The following AMN1 variants were observed in gnomAD, a reference collection of about 807,000 sequenced individuals.
The protein encoded by AMN1 is antagonist of mitotic exit network 1 homolog.
AMN1 carries 20 observed loss-of-function variants against 33.0 expected under a neutral mutation model. The ratio of observed to expected loss-of-function variants is 0.61; its 90% CI spans 0.43 to 0.88. AMN1 has a LOEUF of 0.88. AMN1 is among the 40% of genes least tolerant of loss of function. The pLI, the probability that AMN1 is intolerant of heterozygous loss-of-function variation, is 0.00. For synonymous variants in AMN1, 114 were observed against 111.9 expected, an observed-to-expected ratio of 1.02 and a Z score of -0.12; for missense variants, 246 against 307.4, an observed-to-expected ratio of 0.80 and a Z score of 1.49.
chr12:31,678,694 G>A (rs1368964523), intron 6 of AMN1, among the ~76,000 whole-genome samples: 7 of 152,048 alleles, frequency 4.6e-5, no homozygotes, highest in Admixed American at 2.0e-4. Flanking sequence ...CACCGTGCCC[G>A]GCCAAAGAAT....
intron 5 of AMN1, among the ~76,000 whole-genome samples, chr12:31,693,361 G>C (rs1938585479): frequency 6.6e-6 from 1 of 151,936 alleles, no homozygotes; most frequent in African/African-American, 2.4e-5. Context: ...TGAGTAGCTG[G>C]GATTACAGGC....
At chr12:31,694,858 C>T (rs1052001191) in intron 5 of AMN1, among the ~76,000 whole-genome samples, 22 of 151,986 alleles carry the variant, frequency 1.4e-4, no homozygotes, top group Non-Finnish European at 1.3e-4. Flanking sequence ...AGTTCTAGCA[C>T]TTTAGGAAGT....
intron 2 of AMN1, among the ~76,000 whole-genome samples, chr12:31,702,422 G>A (rs1370339420): frequency 6.6e-6 from 1 of 152,176 alleles, no homozygotes; most frequent in Non-Finnish European, 1.5e-5. Context: ...CACTAGTACT[G>A]CTTATCTAGA....
At chr12:31,701,777 CTT>C (rs1253083415) in intron 3 of AMN1, 84 bp downstream of exon 3, 1 of 1,151,224 alleles carries the variant, frequency 8.7e-7, no homozygotes, top group African/African-American at 1.6e-5. Flanking sequence ...TTCATACTCT[CTT>C]TTGACGTATT....
At position 31,675,797 on chromosome 12, in the gene AMN1, G is replaced by A. The variant is rs541657388; in HGVS notation, c.704-3420C>T. ...GCTGGGGTTACAGGCGTGAGCCACC[G>A]TTACCCGCCAGGATGTCCACTCTTG... On this transcript the variant is annotated intron_variant, in intron 6 of 6. Coordinates refer to ENST00000281471, the MANE Select transcript of AMN1 (RefSeq NM_001113402.2). Among the ~76,000 whole-genome samples the A allele has an allele frequency of 9.2e-5, 14 of 151,740 alleles. No individual in the cohort carries two copies. The South Asian group carries it at 1.7e-3, about 18-fold the overall frequency.
intron 2 of AMN1, among the ~76,000 whole-genome samples, chr12:31,704,403 T>C (rs1337209281): frequency 1.3e-5 from 2 of 152,142 alleles, no homozygotes; most frequent in Admixed American, 6.6e-5. Flanking sequence ...TTTTTCTTAT[T>C]GGCTTGGAGG....
At chr12:31,712,620 C>T (rs1665917623) in intron 1 of AMN1, among the ~76,000 whole-genome samples, 1 of 152,042 alleles carries the variant, frequency 6.6e-6, no homozygotes, top group Non-Finnish European at 1.5e-5. Flanking sequence ...TTTATTCATT[C>T]ATCCATTGAT....
At chr12:31,698,196 G>T (rs1938822243) in intron 3 of AMN1, among the ~76,000 whole-genome samples, 1 of 152,122 alleles carries the variant, frequency 6.6e-6, no homozygotes, top group South Asian at 2.1e-4. Flanking sequence ...AGGCTTTATT[G>T]TCCACAGGTT....
intron 2 of AMN1, among the ~76,000 whole-genome samples, chr12:31,707,133 C>T (rs1939275806): frequency 6.6e-6 from 1 of 152,008 alleles, no homozygotes; most frequent in Admixed American, 6.5e-5. Context: ...GAATGGATTA[C>T]AAAATCAGTT....
intron 1 of AMN1, chr12:31,715,485 C>A: frequency 1.1e-5 from 2 of 184,594 alleles, no homozygotes; most frequent in South Asian, 2.3e-4. Context: ...TTTTGTGGGT[C>A]AGTTTCTCTT....
chr12:31,702,280 C>T (rs1026572373), intron 2 of AMN1, among the ~76,000 whole-genome samples: 21 of 152,268 alleles, frequency 1.4e-4, no homozygotes, highest in African/African-American at 5.1e-4. Flanking sequence ...ATCCATAGAC[C>T]TGAGAAGCTT....
chr12:31,694,654 G>A (rs1427081253), intron 5 of AMN1, among the ~76,000 whole-genome samples: 1 of 152,094 alleles, frequency 6.6e-6, no homozygotes, highest in Non-Finnish European at 1.5e-5. Flanking sequence ...GCTGAGGTGG[G>A]AGGATTGCTT....
chr12:31,680,461 C>G (rs911818315), intron 6 of AMN1, among the ~76,000 whole-genome samples: 37 of 152,174 alleles, frequency 2.4e-4, no homozygotes, highest in Non-Finnish European at 7.3e-5. Flanking sequence ...TCGGCCCCCC[C>G]ACAGGGCTGG....
chr12:31,723,117 C>A (rs558298260), intron 1 of AMN1, among the ~76,000 whole-genome samples: 93 of 151,932 alleles, frequency 6.1e-4, no homozygotes, highest in African/African-American at 2.1e-3. Context: ...GAGATCGGGC[C>A]ACTGCACTCC....
Position 31,710,653 on chromosome 12 carries a change from T to A in AMN1, c.39-1228A>T, listed in dbSNP as rs1033599512. On this transcript the variant is annotated intron_variant, in intron 1 of 6. Coordinates refer to ENST00000281471, the MANE Select transcript of AMN1 (RefSeq NM_001113402.2). ...CGGCACCACAGTACACTTACTTTTATACACTGTCTTTCATTCAGTATCTTA... is the reference window on the plus strand; with the variant it reads ...CGGCACCACAGTACACTTACTTTTAAACACTGTCTTTCATTCAGTATCTTA... 1.5e-4 allele frequency among the ~76,000 whole-genome samples: 23 copies of A among 152,066 alleles called. 1 individual carries two copies. Among genetic ancestry groups the A allele is most frequent in the South Asian group, 4.1e-4 (2 of 4,832 alleles).
At chr12:31,682,930 A>C (rs1938089880) in intron 6 of AMN1, among the ~76,000 whole-genome samples, 1 of 151,928 alleles carries the variant, frequency 6.6e-6, no homozygotes, top group African/African-American at 2.4e-5. Flanking sequence ...CCACACAAAA[A>C]TATAAGAAGT....
intron 5 of AMN1, among the ~76,000 whole-genome samples, chr12:31,692,694 AAACCAGAAAC>A (rs1938555935): frequency 6.6e-6 from 1 of 152,150 alleles, no homozygotes; most frequent in African/African-American, 2.4e-5. Context: ...TAATAGCTAA[AAACCAGAAAC>A]AATCTGAATT....
At chr12:31,693,730 CG>C (rs1565769493) in intron 5 of AMN1, among the ~76,000 whole-genome samples, 1 of 151,042 alleles carries the variant, frequency 6.6e-6, no homozygotes, top group Non-Finnish European at 1.5e-5. Context: ...TTAGTAGAGA[CG>C]GGGTTTCTCC....
chr12:31,723,849 C>A (rs1029499975), intron 1 of AMN1, among the ~76,000 whole-genome samples: 1 of 152,160 alleles, frequency 6.6e-6, no homozygotes, highest in Non-Finnish European at 1.5e-5. Flanking sequence ...AGATAACTAC[C>A]ACTTGGTTGA....
Sources: allele counts gnomAD v4.1 joint callset (sites outside exome capture counted in the v4.1 genomes callset), GRCh38; gene constraint gnomAD v4.1.1; transcripts MANE v1.5; gene names NCBI Gene and HGNC (gene_info 2026-07-23, HGNC 2026-07-21).